Variants in NBAS observed in about 807,000 individuals in gnomAD.
NBAS encodes NAG/BC035112 fusion.
Under a neutral mutation model 302.5 loss-of-function variants are expected in NBAS, and 219 were observed. The observed-to-expected ratio is 0.72, with a 90% confidence interval of 0.65 to 0.81. The LOEUF (loss-of-function observed/expected upper bound fraction) is 0.81, where lower values mean the gene tolerates loss of function less well. NBAS is among the 30% of genes least tolerant of loss of function. The probability of loss-of-function intolerance (pLI) is 0.00; values close to 1 mark genes in which losing one functional copy is unlikely to be tolerated. For synonymous variants in NBAS, 1,118 were observed against 1,021.6 expected (o/e 1.09, Z -1.80); for missense variants, 2,932 against 2,841.6 (o/e 1.03, Z -0.72).
the NBAS span, among the ~76,000 whole-genome samples, chr2:15,138,842 A>G: frequency 6.6e-6 from 1 of 152,238 alleles, no homozygotes; most frequent in Non-Finnish European, 1.5e-5. Context: ...TGAAGAGTGG[A>G]ATAATTAAGA....
At chr2:15,317,597 G>A (rs904922530) in intron 38 of NBAS, among the ~76,000 whole-genome samples, 1 of 152,190 alleles carries the variant, frequency 6.6e-6, no homozygotes, top group Non-Finnish European at 1.5e-5. Flanking sequence ...AGAACTTCAT[G>A]ATGCATGCAC....
At chr2:15,511,505 A>G (rs1469112493) in intron 9 of NBAS, among the ~76,000 whole-genome samples, 155 bp from the exon 10 acceptor site, 1 of 152,234 alleles carries the variant, frequency 6.6e-6, no homozygotes, top group African/African-American at 2.4e-5. Context: ...GGAAACAATC[A>G]AAAGAAAACC....
chr2:15,365,932 A>G (rs1374313664), intron 32 of NBAS, among the ~76,000 whole-genome samples: 8 of 152,212 alleles, frequency 5.3e-5, no homozygotes, highest in African/African-American at 1.7e-4. Flanking sequence ...TTAAGGAAAT[A>G]TGAAATGTAG....
the NBAS span, among the ~76,000 whole-genome samples, chr2:14,882,199 A>C: frequency 1.3e-5 from 2 of 152,162 alleles, no homozygotes; most frequent in South Asian, 4.1e-4. Context: ...TTAAATCCAA[A>C]GTTTGATTCC....
the NBAS span, among the ~76,000 whole-genome samples, chr2:15,074,598 T>C: frequency 1.3e-5 from 2 of 151,960 alleles, no homozygotes; most frequent in Non-Finnish European, 1.5e-5. Context: ...AACTATAACA[T>C]GTTATATATT....
At chr2:15,270,829 T>C (rs1490469359) in intron 44 of NBAS, among the ~76,000 whole-genome samples, 1 of 152,210 alleles carries the variant, frequency 6.6e-6, no homozygotes, top group Non-Finnish European at 1.5e-5. Context: ...TGGAAAATAA[T>C]ACCATATATG....
chr2:15,427,899 G>C (rs1041197109), intron 21 of NBAS, 105 bp from the exon 22 acceptor site: 8 of 829,238 alleles, frequency 9.6e-6, no homozygotes, highest in Admixed American at 8.1e-5. Flanking sequence ...TAATATCTAA[G>C]ATTCATGCTT....
At chr2:15,080,816 G>T in the NBAS span, among the ~76,000 whole-genome samples, 1 of 152,192 alleles carries the variant, frequency 6.6e-6, no homozygotes, top group East Asian at 1.9e-4. Flanking sequence ...CACCTGGGGG[G>T]ATGGAGCTCT....
At chr2:15,542,648 A>AT (rs1558426552) in intron 6 of NBAS, among the ~76,000 whole-genome samples, 1 of 151,032 alleles carries the variant, frequency 6.6e-6, no homozygotes, top group Non-Finnish European at 1.5e-5. Context: ...AATAAATAAG[A>AT]TAAAAAAAAT....
the NBAS span, among the ~76,000 whole-genome samples, chr2:14,821,387 T>C: frequency 1.3e-5 from 2 of 152,202 alleles, no homozygotes; most frequent in African/African-American, 4.8e-5. Flanking sequence ...GCTGATGATA[T>C]TCTTGCCTGA....
At chr2:15,538,376 T>C (rs778843028) in intron 7 of NBAS, 2 of 411,866 alleles carry the variant, frequency 4.9e-6, no homozygotes, top group South Asian at 1.6e-5. Context: ...TCATTATTTC[T>C]GAAAAAAAAA....
chr2:15,149,348 G>A, the NBAS span, among the ~76,000 whole-genome samples: 1 of 152,190 alleles, frequency 6.6e-6, no homozygotes, highest in African/African-American at 2.4e-5. Flanking sequence ...AGAACTACAA[G>A]AAATAAATCT....
At chr2:15,522,798 A>C (rs1468912) in intron 9 of NBAS, among the ~76,000 whole-genome samples, 1 of 152,158 alleles carries the variant, frequency 6.6e-6, no homozygotes, top group East Asian at 1.9e-4. Context: ...CCAAAATTTA[A>C]CTACTAATAG....
chr2:15,313,731 T>C (rs1671380492), intron 38 of NBAS, among the ~76,000 whole-genome samples: 1 of 152,240 alleles, frequency 6.6e-6, no homozygotes, highest in African/African-American at 2.4e-5. Flanking sequence ...TTCACCCACC[T>C]GAACATCCAT....
chr2:14,789,039 G>T, the NBAS span, among the ~76,000 whole-genome samples: 1 of 152,242 alleles, frequency 6.6e-6, no homozygotes, highest in African/African-American at 2.4e-5. Flanking sequence ...GGCAATGGCG[G>T]GCGCCCCTCC....
At chr2:14,894,546 T>C in the NBAS span, among the ~76,000 whole-genome samples, 31 of 151,846 alleles carry the variant, frequency 2.0e-4, no homozygotes, top group Admixed American at 1.7e-3. Flanking sequence ...GTAAAATATA[T>C]ATATAAATAT....
At chr2:14,982,463 G>A in the NBAS span, among the ~76,000 whole-genome samples, 1 of 152,170 alleles carries the variant, frequency 6.6e-6, no homozygotes, top group Non-Finnish European at 1.5e-5. Context: ...GGAAGACACG[G>A]AGTCCAGGAA....
chr2:15,034,235 GGAAA>G, the NBAS span, among the ~76,000 whole-genome samples: 189 of 81,722 alleles, frequency 2.3e-3, 5 homozygotes, highest in African/African-American at 8.1e-3. Context: ...AAAGAAAGAA[GGAAA>G]GAAAGAAAGA....
rs906350318 is a variant in NBAS at position 15,379,815 on chromosome 2, A to T, written c.3377T>A (p.Leu1126His). 1 of 1,614,020 alleles carries T rather than the reference A, an allele frequency of 6.2e-7. No individual in the cohort carries two copies. Among genetic ancestry groups the T allele is most frequent in the Non-Finnish European group, 8.5e-7 (1 of 1,179,934 alleles). ...GTTTTCAAGGCGACTAGAGCACAGA[A>T]GGCTTTCTGTAAATATCTGGAAAAA... ...DACYEIFTES[L>H]LCSSRLENIH... is the part of the protein sequence containing the mutation. The change falls in exon 30 of 52, where the codon CTT becomes CAT. Residue 1126 changes from leucine to histidine, a missense_variant. Transcript: ENST00000281513.
Sources: allele counts gnomAD v4.1 joint callset (sites outside exome capture counted in the v4.1 genomes callset), GRCh38; gene constraint gnomAD v4.1.1; transcripts MANE v1.5; gene names NCBI Gene and HGNC (gene_info 2026-07-23, HGNC 2026-07-21).